Variants in CAP2 observed in about 807,000 individuals in gnomAD.
CAP2 encodes the protein adenylyl cyclase-associated protein 2.
A neutral mutation model predicts 57.7 loss-of-function variants in CAP2; 24 were observed. The observed-to-expected ratio is 0.42, with a 90% CI of 0.30 to 0.58. The LOEUF (loss-of-function observed/expected upper bound fraction) is 0.58. Among genes scored for constraint, CAP2 ranks in the 20% least tolerant of loss-of-function variants. The pLI, the probability that CAP2 is intolerant of heterozygous loss-of-function variation, is 0.22. For synonymous variants in CAP2, 194 were observed against 207.2 expected (o/e 0.94, Z 0.55); for missense variants, 501 against 590.3 (o/e 0.85, Z 1.57).
chr6:17,551,999 T>G (rs113471570), intron 12 of CAP2, among the ~76,000 whole-genome samples: 2 of 152,306 alleles, frequency 1.3e-5, no homozygotes, highest in East Asian at 3.9e-4. Flanking sequence ...GGGCTATTTG[T>G]GCAGCTATGC....
chr6:17,438,443 T>TTTTTTTTTG (rs1561783624), intron 3 of CAP2, among the ~76,000 whole-genome samples: 6 of 127,200 alleles, frequency 4.7e-5, no homozygotes, highest in African/African-American at 2.1e-4. Context: ...GTTTTTTTTT[T>TTTTTTTTTG]TTTTTTTTTT....
At chr6:17,418,989 G>A (rs1472392349) in intron 1 of CAP2, among the ~76,000 whole-genome samples, 2 of 152,124 alleles carry the variant, frequency 1.3e-5, no homozygotes, top group African/African-American at 4.8e-5. Context: ...GATTTCAGCT[G>A]TGCAGAGAAC....
At chr6:17,552,584 A>T (rs567982136) in intron 12 of CAP2, among the ~76,000 whole-genome samples, 1 of 152,282 alleles carries the variant, frequency 6.6e-6, no homozygotes, top group South Asian at 2.1e-4. Context: ...GTGAGCTGAG[A>T]TTGTGCCATT....
chr6:17,494,928 G>A (rs529012941), intron 4 of CAP2, among the ~76,000 whole-genome samples: 2 of 152,236 alleles, frequency 1.3e-5, no homozygotes, highest in Admixed American at 1.3e-4. Context: ...TGGGAAATTG[G>A]GTTTTTTGTT....
chr6:17,447,279 C>G (rs1360823342), intron 3 of CAP2, among the ~76,000 whole-genome samples: 1 of 152,036 alleles, frequency 6.6e-6, no homozygotes, highest in African/African-American at 2.4e-5. Flanking sequence ...CATGGCCTCC[C>G]AAAATACTGG....
At chr6:17,478,747 C>G (rs762247439) in intron 4 of CAP2, among the ~76,000 whole-genome samples, 9 of 152,134 alleles carry the variant, frequency 5.9e-5, no homozygotes, top group East Asian at 1.9e-4. Context: ...CCTCACTTCC[C>G]TGTCACTTTT....
intron 4 of CAP2, among the ~76,000 whole-genome samples, chr6:17,486,374 C>T (rs1046584429): frequency 5.3e-5 from 8 of 152,022 alleles, no homozygotes; most frequent in Non-Finnish European, 7.4e-5. Flanking sequence ...GAGGCTAAGG[C>T]GGGTGGGTAG....
At chr6:17,544,117 T>C in intron 11 of CAP2, among the ~76,000 whole-genome samples, 1 of 115,680 alleles carries the variant, frequency 8.6e-6, no homozygotes. Flanking sequence ...AGAGAGAGAC[T>C]CTGTCTCAAA....
At chr6:17,492,144 G>T (rs1170764329) in intron 4 of CAP2, among the ~76,000 whole-genome samples, 1 of 152,222 alleles carries the variant, frequency 6.6e-6, no homozygotes, top group Non-Finnish European at 1.5e-5. Context: ...TGCTGGAAAG[G>T]TACATCTTAG....
intron 4 of CAP2, among the ~76,000 whole-genome samples, chr6:17,475,667 G>A (rs1408541926): frequency 6.6e-6 from 1 of 152,148 alleles, no homozygotes; most frequent in African/African-American, 2.4e-5. Flanking sequence ...AAATTCACAT[G>A]GGCTGTGGAG....
intron 7 of CAP2, among the ~76,000 whole-genome samples, chr6:17,533,779 G>C (rs562281801): frequency 1.8e-4 from 28 of 152,016 alleles, no homozygotes; most frequent in Admixed American, 4.6e-4. Flanking sequence ...TGTTGGCCAG[G>C]ATGGTCTTGA....
chr6:17,474,350 G>C (rs1187431305), intron 4 of CAP2, among the ~76,000 whole-genome samples: 1 of 151,498 alleles, frequency 6.6e-6, no homozygotes, highest in Non-Finnish European at 1.5e-5. Context: ...GTCAGGTTTT[G>C]GTTCATCCAC....
chr6:17,506,418 C>T (rs1393394763), intron 4 of CAP2, among the ~76,000 whole-genome samples: 1 of 151,924 alleles, frequency 6.6e-6, no homozygotes, highest in Non-Finnish European at 1.5e-5. Flanking sequence ...TTTGGGAGGC[C>T]GAGGTGGGTG....
chr6:17,515,896 G>A lies in CAP2; in HGVS notation c.636+1942G>A, dbSNP rs905080822. Reference sequence around the variant, plus strand: ...CTCACATCCTCTCCCATGTCTCACCGTGTGTTCCAGCAACCCCTCACTCCT... The same window carrying A: ...CTCACATCCTCTCCCATGTCTCACCATGTGTTCCAGCAACCCCTCACTCCT... On this transcript the variant is annotated intron_variant, in intron 7 of 12. Transcript: ENST00000229922. 6.6e-5 allele frequency among the ~76,000 whole-genome samples: 10 copies of A among 152,210 alleles called. No homozygotes were observed. The East Asian group carries it at 7.7e-4, about 12-fold the overall frequency.
chr6:17,529,497 C>T (rs564170033), intron 7 of CAP2, among the ~76,000 whole-genome samples: 53 of 151,792 alleles, frequency 3.5e-4, no homozygotes, highest in Non-Finnish European at 5.9e-4. Context: ...AAAAACTAGC[C>T]GGGCATGGTG....
chr6:17,475,194 CAA>C (rs1172435772), intron 4 of CAP2, among the ~76,000 whole-genome samples: 35 of 105,776 alleles, frequency 3.3e-4, no homozygotes, highest in African/African-American at 3.1e-4. Context: ...GACTCCATCT[CAA>C]AAAAAAAAAA....
chr6:17,483,417 C>T (rs1397977190), intron 4 of CAP2, among the ~76,000 whole-genome samples: 1 of 152,044 alleles, frequency 6.6e-6, no homozygotes, highest in African/African-American at 2.4e-5. Flanking sequence ...TTCACGTGCA[C>T]ACGTAGAACT....
intron 7 of CAP2, chr6:17,531,624 C>T (rs948380282): frequency 1.6e-6 from 2 of 1,273,858 alleles, no homozygotes; most frequent in Non-Finnish European, 2.2e-6. Context: ...TTCTTCTCTT[C>T]TACACCTTCC....
At chr6:17,426,763 C>T in intron 3 of CAP2, 73 bp downstream of exon 3, 2 of 941,558 alleles carry the variant, frequency 2.1e-6, no homozygotes, top group Non-Finnish European at 3.5e-6. Flanking sequence ...ACGCTAACAG[C>T]CTGAGGAGAT....
Sources: allele counts gnomAD v4.1 joint callset (sites outside exome capture counted in the v4.1 genomes callset), GRCh38; gene constraint gnomAD v4.1.1; transcripts MANE v1.5; gene names NCBI Gene and HGNC (gene_info 2026-07-23, HGNC 2026-07-21).